Variants in NLGN4X observed in about 807,000 individuals in gnomAD.
NLGN4X encodes neuroligin 4 X-linked.
A neutral mutation model predicts 40.3 loss-of-function variants in NLGN4X; 3 were observed. The ratio of observed to expected loss-of-function variants is 0.07; its 90% confidence interval spans 0.03 to 0.19. The LOEUF (loss-of-function observed/expected upper bound fraction) is 0.19, where lower values mean the gene tolerates loss of function less well. Ranked by LOEUF, NLGN4X falls within the 10% of genes least tolerant of loss-of-function variation. NLGN4X has a pLI of 1.00. For synonymous variants in NLGN4X, 270 were observed against 306.8 expected (o/e 0.88, Z 1.25); for missense variants, 382 against 708.3 (o/e 0.54, Z 5.23).
chrX:6,033,126 T>A (rs1343917868), intron 2 of NLGN4X, among the ~76,000 whole-genome samples: 1 of 111,984 alleles, frequency 8.9e-6, no homozygotes, highest in Non-Finnish European at 1.9e-5. Context: ...TTTAAAGAAA[T>A]GCTTATGGCG....
intron 4 of NLGN4X, among the ~76,000 whole-genome samples, chrX:5,908,005 G>T (rs1236828308): frequency 1.1e-5 from 1 of 90,803 alleles, no homozygotes; most frequent in Non-Finnish European, 2.2e-5. Flanking sequence ...GGAAGAGAGA[G>T]AGAGGGAGAA....
In NLGN4X at chrX:5,900,560, CTT is replaced by C. The variant is rs1163973694; in HGVS notation, c.1601+2515_1601+2516del. Among the ~76,000 whole-genome samples, 143 of 45,579 alleles carry C rather than the reference CTT, an allele frequency of 3.1e-3. 15 individuals are homozygous for C. Among genetic ancestry groups the C allele is most frequent in the African/African-American group, 8.2e-3 (97 of 11,776 alleles). 39.6% of individuals were successfully genotyped at this position (45,579 alleles called of 115,157 possible). A position where few individuals can be genotyped will look rare whatever the true frequency, so the allele number is the denominator to read the frequency against. Reference sequence around the variant, plus strand: ...GTTATAAGACACACCGTTTTTGGTGCTTTTTTTTTTTTTTTTTTTTTTTTTTT... The same window carrying C: ...GTTATAAGACACACCGTTTTTGGTGCTTTTTTTTTTTTTTTTTTTTTTTTT... On this transcript the variant is annotated intron_variant, in intron 5 of 5. Transcript: ENST00000381095.
rs373701650 is a variant in NLGN4X at position 6,106,626 on chromosome X, A to G, written c.472+44369T>C. Among the ~76,000 whole-genome samples, 210 of 112,043 alleles carry G rather than the reference A, an allele frequency of 1.9e-3. 1 individual carries two copies. Among genetic ancestry groups the G allele is most frequent in the African/African-American group, 6.1e-3 (188 of 30,904 alleles). ...TCCAGAATGTCCTATAGTTGGAATC[A>G]TACTGTATGTAGCCTTTTCCCATCA... On this transcript the variant is annotated intron_variant, in intron 2 of 5. Transcript: ENST00000381095.
intron 3 of NLGN4X, among the ~76,000 whole-genome samples, chrX:5,927,689 T>C (rs1453905549): frequency 1.8e-5 from 2 of 112,257 alleles, no homozygotes; most frequent in Non-Finnish European, 3.8e-5. Context: ...CCACCACACA[T>C]CTGGTAATGA....
intron 2 of NLGN4X, among the ~76,000 whole-genome samples, chrX:6,104,503 A>T (rs1319586121): frequency 1.0e-5 from 1 of 100,258 alleles, no homozygotes; most frequent in Non-Finnish European, 2.0e-5. Context: ...TCTCTCTCTC[A>T]CTTTTATCCT....
At chrX:6,205,384 T>G (rs1923947400) in intron 1 of NLGN4X, among the ~76,000 whole-genome samples, 1 of 112,371 alleles carries the variant, frequency 8.9e-6, no homozygotes, top group South Asian at 3.7e-4. Flanking sequence ...GGGCACTCAG[T>G]GATCAGTGTA....
At chrX:5,949,133 G>A (rs2034223927) in intron 3 of NLGN4X, among the ~76,000 whole-genome samples, 1 of 111,926 alleles carries the variant, frequency 8.9e-6, no homozygotes, top group African/African-American at 3.2e-5. Context: ...TTTACTCCCA[G>A]AACATTCTAT....
chrX:5,961,522 A>G lies in NLGN4X; in HGVS notation c.626-52283T>C, dbSNP rs1017932230. ...TTGCACAGGTTGGATGGGTATCAAA[A>G]GCTATATTTTAACACCATATCCCTT... On this transcript the variant is annotated intron_variant, in intron 3 of 5. Coordinates refer to ENST00000381095, the MANE Select transcript of NLGN4X (RefSeq NM_181332.3). Among the ~76,000 whole-genome samples the G allele has an allele frequency of 2.7e-5, 3 of 112,152 alleles. No homozygotes were observed. In the East Asian group the frequency reaches 8.4e-4, roughly 31 times the overall value.
At chrX:6,122,834 T>C (rs1380656338) in intron 2 of NLGN4X, among the ~76,000 whole-genome samples, 3 of 105,531 alleles carry the variant, frequency 2.8e-5, no homozygotes, top group Non-Finnish European at 5.8e-5. Flanking sequence ...AATGAAATTG[T>C]TGAACTGGAG....
chrX:6,104,897 C>A (rs1457923549), intron 2 of NLGN4X, among the ~76,000 whole-genome samples: 1 of 110,806 alleles, frequency 9.0e-6, no homozygotes, highest in African/African-American at 3.3e-5. Context: ...CCAAACAGAT[C>A]CAGTGGCCTG....
intron 3 of NLGN4X, among the ~76,000 whole-genome samples, chrX:5,930,331 T>C (rs1433903572): frequency 8.9e-6 from 1 of 112,151 alleles, no homozygotes; most frequent in Non-Finnish European, 1.9e-5. Context: ...TTCTGTGCAG[T>C]AGCACTTAAA....
chrX:6,185,861 G>T (rs1305713719), intron 1 of NLGN4X, among the ~76,000 whole-genome samples: 1 of 111,382 alleles, frequency 9.0e-6, no homozygotes, highest in Non-Finnish European at 1.9e-5. Flanking sequence ...AAACCCACAC[G>T]AACCAGCTGC....
intron 1 of NLGN4X, among the ~76,000 whole-genome samples, chrX:6,215,894 T>A (rs1569303391): frequency 1.4e-5 from 1 of 71,465 alleles, no homozygotes; most frequent in Non-Finnish European, 2.6e-5. Flanking sequence ...TTTTTTTTTT[T>A]GAGAGAGAGT....
intron 3 of NLGN4X, among the ~76,000 whole-genome samples, chrX:6,025,455 G>T (rs1316518166): frequency 9.0e-6 from 1 of 111,598 alleles, no homozygotes; most frequent in Non-Finnish European, 1.9e-5. Flanking sequence ...TTACAGGTTG[G>T]GTCAGCTACA....
chrX:5,994,445 T>C (rs930233456), intron 3 of NLGN4X, among the ~76,000 whole-genome samples: 8 of 111,759 alleles, frequency 7.2e-5, no homozygotes, highest in Non-Finnish European at 1.3e-4. Flanking sequence ...AGGTCTCTTC[T>C]TATGTTATTT....
At chrX:5,966,877 C>G (rs905049058) in intron 3 of NLGN4X, among the ~76,000 whole-genome samples, 2 of 112,203 alleles carry the variant, frequency 1.8e-5, no homozygotes, top group Non-Finnish European at 3.8e-5. Context: ...AACTTGATTA[C>G]TTAAAACTTG....
At chrX:6,219,863 C>T (rs1925498301) in intron 1 of NLGN4X, among the ~76,000 whole-genome samples, 1 of 111,938 alleles carries the variant, frequency 8.9e-6, no homozygotes, top group Non-Finnish European at 1.9e-5. Context: ...TCCCACATGC[C>T]ATATTTGTAT....
intron 3 of NLGN4X, among the ~76,000 whole-genome samples, chrX:6,018,127 C>T (rs779862737): frequency 5.5e-5 from 6 of 109,194 alleles, no homozygotes; most frequent in Non-Finnish European, 9.4e-5. Flanking sequence ...ACAACTGATA[C>T]ATGTATATGT....
chrX:6,001,941 A>G (rs780976429), intron 3 of NLGN4X, among the ~76,000 whole-genome samples: 1 of 111,723 alleles, frequency 9.0e-6, no homozygotes, highest in East Asian at 2.8e-4. Context: ...ACTTGCCACT[A>G]AGGGGTGTAG....
Sources: allele counts gnomAD v4.1 joint callset (sites outside exome capture counted in the v4.1 genomes callset), GRCh38; gene constraint gnomAD v4.1.1; transcripts MANE v1.5; gene names NCBI Gene and HGNC (gene_info 2026-07-23, HGNC 2026-07-21).